TLL2: variants seen among roughly 807,000 people sequenced by gnomAD.
TLL2 encodes tolloid like 2, also known as tolloid-like protein 2.
In TLL2, 106 loss-of-function variants were observed where a neutral mutation model predicts 123.0. That is an observed-to-expected ratio of 0.86 (90% confidence interval 0.74 to 1.01). TLL2 has a LOEUF of 1.01. TLL2 is among the 50% of genes least tolerant of loss of function. TLL2 has a pLI of 0.00. For synonymous variants in TLL2, 494 were observed against 516.8 expected, an observed-to-expected ratio of 0.96 and a Z score of 0.60; for missense variants, 1,332 against 1,336.7, an observed-to-expected ratio of 1.00 and a Z score of 0.06.
intron 1 of TLL2, among the ~76,000 whole-genome samples, chr10:96,485,962 G>A (rs1212599828): frequency 1.1e-5 from 1 of 91,152 alleles, no homozygotes; most frequent in Non-Finnish European, 2.2e-5. Context: ...CATTCTAAGA[G>A]AAGAAAGAGA....
chr10:96,513,479 T>C, intron 1 of TLL2, 32 bp downstream of exon 1: 1 of 1,611,150 alleles, frequency 6.2e-7, no homozygotes, highest in East Asian at 2.2e-5. Flanking sequence ...AAAGGCAAAC[T>C]TCTGCGGGAC....
intron 9 of TLL2, among the ~76,000 whole-genome samples, chr10:96,406,119 G>C (rs945043697): frequency 2.6e-5 from 4 of 152,188 alleles, no homozygotes; most frequent in Admixed American, 1.3e-4. Flanking sequence ...CTTAGTAGGG[G>C]GAAGGGGAGG....
intron 2 of TLL2, among the ~76,000 whole-genome samples, chr10:96,451,937 G>A (rs941111969): frequency 7.2e-5 from 11 of 152,076 alleles, no homozygotes; most frequent in Admixed American, 2.6e-4. Flanking sequence ...TTTGACCCAC[G>A]AGAGCTAAAT....
At chr10:96,419,649 C>G (rs1042350278) in intron 7 of TLL2, among the ~76,000 whole-genome samples, 1 of 152,194 alleles carries the variant, frequency 6.6e-6, no homozygotes, top group Non-Finnish European at 1.5e-5. Flanking sequence ...GAGATCATGA[C>G]TTAAGCAGCT....
intron 2 of TLL2, among the ~76,000 whole-genome samples, chr10:96,456,694 C>G (rs4919022): frequency 6.6e-6 from 1 of 152,156 alleles, no homozygotes; most frequent in Non-Finnish European, 1.5e-5. Flanking sequence ...GCCCTCGGAG[C>G]CATCCAAGGT....
rs1554939631 is a variant in TLL2, at chr10:96,476,241, T to TATATATATATATATATATATATATATTC, written c.286+4107_286+4108insGAATATATATATATATATATATATATAT. Among the ~76,000 whole-genome samples, 7 of 72,388 alleles carry TATATATATATATATATATATATATATTC rather than the reference T, an allele frequency of 9.7e-5. 1 individual carries two copies. Among genetic ancestry groups the TATATATATATATATATATATATATATTC allele is most frequent in the African/African-American group, 2.1e-4 (4 of 19,384 alleles). The allele number at this position is 72,388 out of a possible 152,430, so 47.5% of individuals were successfully genotyped here. A position where few individuals can be genotyped will look rare whatever the true frequency, so the allele number is the denominator to read the frequency against. ...TTATATGTATATATATATATATATA[T>TATATATATATATATATATATATATATTC]TTTATTTTTGTTGTTGTTGTTGTTG... On this transcript the variant is annotated intron_variant, in intron 2 of 20. Transcript: ENST00000357947.
chr10:96,405,695 A>C (rs868442640), intron 9 of TLL2, among the ~76,000 whole-genome samples: 1 of 152,206 alleles, frequency 6.6e-6, no homozygotes, highest in Non-Finnish European at 1.5e-5. Flanking sequence ...CAGAGATACA[A>C]GAAGATCTTA....
chr10:96,436,354 T>C (rs1288386408), intron 3 of TLL2, among the ~76,000 whole-genome samples: 1 of 152,252 alleles, frequency 6.6e-6, no homozygotes, highest in East Asian at 1.9e-4. Context: ...TTTTTATAAA[T>C]GTTCCATGTT....
intron 10 of TLL2, among the ~76,000 whole-genome samples, chr10:96,401,246 A>C (rs903737408): frequency 2.6e-5 from 4 of 152,242 alleles, no homozygotes; most frequent in Non-Finnish European, 5.9e-5. Flanking sequence ...AATGCGATGC[A>C]CAGTTTTCAG....
At chr10:96,513,077 C>A (rs1376820777) in intron 1 of TLL2, among the ~76,000 whole-genome samples, 1 of 152,228 alleles carries the variant, frequency 6.6e-6, no homozygotes, top group Non-Finnish European at 1.5e-5. Context: ...GGAAACTTTG[C>A]GCGAAACTTA....
chr10:96,372,698 A>G (rs1457386558), intron 19 of TLL2, among the ~76,000 whole-genome samples: 1 of 152,156 alleles, frequency 6.6e-6, no homozygotes, highest in Non-Finnish European at 1.5e-5. Context: ...CCACTCAGTT[A>G]CCCAACTTCT....
In TLL2 at chr10:96,496,862, G is replaced by A. The variant is rs148219324; in HGVS notation, c.176-16403C>T. 4.0e-3 allele frequency among the ~76,000 whole-genome samples: 610 copies of A among 152,328 alleles called. 3 individuals are homozygous for A. Among genetic ancestry groups the A allele is most frequent in the Middle Eastern group, 0.014 (4 of 294 alleles). On this transcript the variant is annotated intron_variant, in intron 1 of 20. Transcript: ENST00000357947. Reference sequence around the variant, plus strand: ...GGTGCTTCTTTGAGCACTGTAAGGTGACTTCTTGGACCCATAGGAAAGAGA... The same window carrying A: ...GGTGCTTCTTTGAGCACTGTAAGGTAACTTCTTGGACCCATAGGAAAGAGA...
chr10:96,439,527 T>C (rs938118301), intron 3 of TLL2, among the ~76,000 whole-genome samples: 6 of 152,224 alleles, frequency 3.9e-5, no homozygotes, highest in Non-Finnish European at 8.8e-5. Context: ...TTGCTGCTGC[T>C]AACATCACCA....
At chr10:96,455,129 C>T (rs1232435555) in intron 2 of TLL2, among the ~76,000 whole-genome samples, 1 of 152,082 alleles carries the variant, frequency 6.6e-6, no homozygotes, top group African/African-American at 2.4e-5. Context: ...ATAGTCCCAG[C>T]TACTTGGGAG....
At chr10:96,369,174 G>C (rs1482333966) in intron 20 of TLL2, among the ~76,000 whole-genome samples, 6 of 152,218 alleles carry the variant, frequency 3.9e-5, no homozygotes, top group African/African-American at 1.4e-4. Context: ...GTCCAGTGCG[G>C]TGCAGCCAGG....
intron 3 of TLL2, among the ~76,000 whole-genome samples, chr10:96,438,116 A>G (rs549357344): frequency 6.6e-6 from 1 of 152,310 alleles, no homozygotes; most frequent in South Asian, 2.1e-4. Flanking sequence ...AAATTTTAGA[A>G]TAAGCTTGTC....
intron 1 of TLL2, among the ~76,000 whole-genome samples, chr10:96,480,730 C>T (rs188013611): frequency 3.0e-4 from 46 of 152,352 alleles, no homozygotes; most frequent in African/African-American, 3.8e-4. Flanking sequence ...GTCTTGTCCT[C>T]GCTCTAGGCA....
chr10:96,386,184 A>G lies in TLL2; in HGVS notation c.1884T>C (p.Asn628=). The G allele has an allele frequency of 1.9e-6, 3 of 1,605,698 alleles. No individual in the cohort carries two copies. The highest frequency in any genetic ancestry group is 2.6e-6 in the Non-Finnish European group (3 of 1,175,576). The change falls in exon 15 of 21, where the codon AAT becomes AAC. Residue 628 remains asparagine (N), a synonymous_variant. Transcript: ENST00000357947. The stretch of plus-strand genomic sequence containing the variant: ...GCCACCCAGGGCTGGTGATGGTTCC[A>G]TTCAGCTTGGTAATGAAACCGCCAC... ...VACGGFITKL[N]GTITSPGWPK... is the part of the protein sequence containing the mutation.
intron 2 of TLL2, among the ~76,000 whole-genome samples, chr10:96,458,480 G>A (rs952678524): frequency 6.6e-5 from 10 of 151,670 alleles, no homozygotes; most frequent in African/African-American, 2.4e-4. Context: ...CCAGCTACTC[G>A]GGAGGCTGAG....
Sources: allele counts gnomAD v4.1 joint callset (sites outside exome capture counted in the v4.1 genomes callset), GRCh38; gene constraint gnomAD v4.1.1; transcripts MANE v1.5; gene names NCBI Gene and HGNC (gene_info 2026-07-23, HGNC 2026-07-21).